The following CWF19L1 variants were observed in gnomAD, a reference collection of about 807,000 sequenced individuals.
The protein encoded by CWF19L1 is CWF19 like cell cycle control factor 1.
In CWF19L1, 60 loss-of-function variants were observed where a neutral mutation model predicts 69.7. The ratio of observed to expected loss-of-function variants is 0.86; its 90% CI spans 0.70 to 1.07. The LOEUF (loss-of-function observed/expected upper bound fraction) is 1.07, where lower values mean the gene tolerates loss of function less well. CWF19L1 is among the 50% of genes least tolerant of loss of function. CWF19L1 has a pLI of 0.00. For missense variants in CWF19L1, 591 were observed against 638.9 expected, an observed-to-expected ratio of 0.92 and a Z score of 0.81; for synonymous variants, 209 against 222.2, an observed-to-expected ratio of 0.94 and a Z score of 0.53.
intron 1 of CWF19L1, among the ~76,000 whole-genome samples, chr10:100,263,666 C>T (rs1847476965): frequency 6.6e-6 from 1 of 151,962 alleles, no homozygotes; most frequent in Non-Finnish European, 1.5e-5. Flanking sequence ...TGCCTCATCT[C>T]CTCATCTGGG....
chr10:100,237,134 TA>T, intron 11 of CWF19L1, 165 bp from the exon 12 acceptor site: 1 of 857,952 alleles, frequency 1.2e-6, no homozygotes, highest in East Asian at 2.4e-5. Context: ...TGTAAGGACT[TA>T]AACTTATGAG....
chr10:100,243,825 C>T, intron 9 of CWF19L1, 48 bp from the exon 10 acceptor site: 2 of 1,415,364 alleles, frequency 1.4e-6, no homozygotes, highest in Non-Finnish European at 1.0e-6. Flanking sequence ...AGCACTACAG[C>T]ATATAATCAC....
chr10:100,243,089 A>G (rs188223545), intron 10 of CWF19L1, among the ~76,000 whole-genome samples: 71 of 152,348 alleles, frequency 4.7e-4, no homozygotes, highest in Admixed American at 8.5e-4. Flanking sequence ...TAAATTTACT[A>G]TATAACCTAG....
chr10:100,246,080 G>T, intron 8 of CWF19L1, 167 bp from the exon 9 acceptor site: 1 of 560,670 alleles, frequency 1.8e-6, no homozygotes. Context: ...TCTGATGCCT[G>T]AAGTCTCAGT....
intron 9 of CWF19L1, among the ~76,000 whole-genome samples, chr10:100,244,357 CTTATT>C (rs1355472137): frequency 2.0e-5 from 3 of 152,168 alleles, no homozygotes; most frequent in South Asian, 2.1e-4. Flanking sequence ...TCAGGCCATT[CTTATT>C]TTATTTTTTT....
intron 7 of CWF19L1, among the ~76,000 whole-genome samples, chr10:100,249,302 G>A (rs1057044810): frequency 6.6e-6 from 1 of 152,040 alleles, no homozygotes; most frequent in Non-Finnish European, 1.5e-5. Flanking sequence ...TGTATGCATT[G>A]TCTATGGCAT....
chr10:100,243,596 A>T (rs545160290), intron 10 of CWF19L1, 102 bp downstream of exon 10: 260 of 1,038,148 alleles, frequency 2.5e-4, no homozygotes, highest in Non-Finnish European at 3.7e-4. Flanking sequence ...CGAATCATAC[A>T]CTTAAACATG....
chr10:100,256,240 C>T, intron 5 of CWF19L1, 22 bp downstream of exon 5: 1 of 1,597,092 alleles, frequency 6.3e-7, no homozygotes, highest in Non-Finnish European at 8.6e-7. Flanking sequence ...TTAGAAATTC[C>T]AACTAAACAA....
intron 9 of CWF19L1, among the ~76,000 whole-genome samples, chr10:100,244,539 T>A (rs1185765847): frequency 6.6e-6 from 1 of 152,060 alleles, no homozygotes; most frequent in African/African-American, 2.4e-5. Context: ...CTATTTTTAG[T>A]ACAGACGGGG....
intron 1 of CWF19L1, among the ~76,000 whole-genome samples, chr10:100,265,607 G>A (rs1159845502): frequency 6.8e-6 from 1 of 146,774 alleles, no homozygotes; most frequent in Non-Finnish European, 1.5e-5. Flanking sequence ...TGCAACCTCT[G>A]CCTCCCAGGC....
At chr10:100,243,801 G>C (rs769564875) in intron 9 of CWF19L1, 24 bp from the exon 10 acceptor site, 48 of 1,594,068 alleles carry the variant, frequency 3.0e-5, no homozygotes, top group Non-Finnish European at 3.9e-5. Context: ...AAAGCCAGGT[G>C]TTACTATGGT....
Position 100,233,249 on chromosome 10 carries a change from T to G in CWF19L1, c.1595A>C (p.Tyr532Ser). 1 of 1,613,346 alleles carries G rather than the reference T, an allele frequency of 6.2e-7. No individual in the cohort carries two copies. The highest frequency in any genetic ancestry group is 1.1e-5 in the South Asian group (1 of 90,974). The change falls in exon 14 of 14, where the codon TAT (tyrosine) becomes TCT (serine). Residue 532 changes from tyrosine (Y) to serine (S), a missense_variant. This residue lies in a region of CWF19L1 where 458 missense variants were observed against 489.3 expected (regional missense o/e 0.94). Coordinates refer to ENST00000354105, the MANE Select transcript of CWF19L1 (RefSeq NM_018294.6). ...ARRFRKDFEPYDFTLDD is the reference protein window; with the variant it reads ...ARRFRKDFEPSDFTLDD Reference sequence around the variant, plus strand: ...GTTTTAGTCATCCAGAGTAAAGTCATAGGGCTCAAAGTCTTTCCGGAAGCG... The same window carrying G: ...GTTTTAGTCATCCAGAGTAAAGTCAGAGGGCTCAAAGTCTTTCCGGAAGCG...
chr10:100,243,438 T>G (rs567318849), intron 10 of CWF19L1, among the ~76,000 whole-genome samples: 22 of 152,260 alleles, frequency 1.4e-4, no homozygotes, highest in Non-Finnish European at 2.1e-4. Flanking sequence ...ACTATGGAGA[T>G]AGTAAGTAGA....
rs35028554 is a variant in CWF19L1, at chr10:100,266,682, A to ATTTTTTTTTTT, written c.23+878_23+888dup. ...AGGCACGCGCCACCACGCCTGGCTA[A>ATTTTTTTTTTT]TTTTTTTTTTTTGTATTAGTAGAGA... On this transcript the variant is annotated intron_variant, in intron 1 of 13. Transcript: ENST00000354105. 2.3e-3 allele frequency among the ~76,000 whole-genome samples: 305 copies of ATTTTTTTTTTT among 135,086 alleles called. 5 individuals carry two copies. Among genetic ancestry groups the ATTTTTTTTTTT allele is most frequent in the African/African-American group, 8.3e-3 (295 of 35,362 alleles). 88.6% of individuals were successfully genotyped at this position (135,086 alleles called of 152,430 possible).
intron 11 of CWF19L1, 125 bp from the exon 12 acceptor site, chr10:100,237,094 T>C: frequency 5.9e-6 from 7 of 1,190,702 alleles, no homozygotes; most frequent in Non-Finnish European, 8.5e-6. Flanking sequence ...CAGAATATCC[T>C]CAGGCCAGAC....
At position 100,243,560 on chromosome 10, in the gene CWF19L1, T is replaced by C. The variant is rs2134286660; in HGVS notation, c.1044+138A>G. 3.1e-5 allele frequency: 23 copies of C among 748,498 alleles called. No individual in the cohort carries two copies. The South Asian group carries it at 3.6e-4, about 12-fold the overall frequency. 46.4% of individuals were successfully genotyped at this position (748,498 alleles called of 1,614,324 possible). ...AAAACTATACCACGTGATGGTGGCA[T>C]AACTCAGTAACCTTACGAAAATCAC... On this transcript the variant is annotated intron_variant, in intron 10 of 13. Transcript: ENST00000354105.
At chr10:100,239,388 C>T (rs759931833) in intron 10 of CWF19L1, among the ~76,000 whole-genome samples, 25 of 152,180 alleles carry the variant, frequency 1.6e-4, no homozygotes, top group Admixed American at 5.9e-4. Flanking sequence ...TGACTGTAAT[C>T]CCAGCACTTT....
At chr10:100,240,489 T>C (rs1437773461) in intron 10 of CWF19L1, among the ~76,000 whole-genome samples, 2 of 151,878 alleles carry the variant, frequency 1.3e-5, no homozygotes, top group Non-Finnish European at 2.9e-5. Flanking sequence ...GAAATACTCA[T>C]GTGGCCTACT....
At chr10:100,260,531 T>TA (rs113690078) in intron 3 of CWF19L1, among the ~76,000 whole-genome samples, 2 of 151,910 alleles carry the variant, frequency 1.3e-5, no homozygotes, top group African/African-American at 2.4e-5. Flanking sequence ...TATTTTATTT[T>TA]TTTTTTTTTG....
Sources: allele counts gnomAD v4.1 joint callset (sites outside exome capture counted in the v4.1 genomes callset), GRCh38; gene constraint gnomAD v4.1.1; regional missense constraint gnomAD v4.1.1; transcripts MANE v1.5; gene names NCBI Gene and HGNC (gene_info 2026-07-23, HGNC 2026-07-21).